Variants in TMEM117 observed in about 807,000 individuals in gnomAD.
TMEM117 encodes the protein transmembrane protein 117.
Under a neutral mutation model 52.4 loss-of-function variants are expected in TMEM117, and 27 were observed. The observed-to-expected ratio is 0.51, with a 90% CI of 0.38 to 0.71. The LOEUF (loss-of-function observed/expected upper bound fraction) is 0.71. Ranked by LOEUF, TMEM117 falls within the 30% of genes least tolerant of loss-of-function variation. TMEM117 has a pLI of 0.00. For missense variants in TMEM117, 556 were observed against 630.5 expected (o/e 0.88, Z 1.26); for synonymous variants, 215 against 206.3 (o/e 1.04, Z -0.36).
At chr12:44,224,553 C>T (rs1358576732) in intron 5 of TMEM117, among the ~76,000 whole-genome samples, 5 of 151,880 alleles carry the variant, frequency 3.3e-5, no homozygotes, top group African/African-American at 1.2e-4. Flanking sequence ...CCTCCTCCTC[C>T]TCCTCCTTCA....
chr12:43,808,358 C>T, the TMEM117 span, among the ~76,000 whole-genome samples: 239 of 152,254 alleles, frequency 1.6e-3, no homozygotes, highest in African/African-American at 5.5e-3. Flanking sequence ...AGAGAAAGCA[C>T]GTGAATGACC....
chr12:44,168,723 T>A (rs1456319403), intron 4 of TMEM117, among the ~76,000 whole-genome samples: 1 of 152,186 alleles, frequency 6.6e-6, no homozygotes, highest in East Asian at 1.9e-4. Context: ...AACATAAAAT[T>A]TACCATTTTA....
At position 43,960,775 on chromosome 12, in the gene TMEM117, G is replaced by T. The variant is rs116789932; in HGVS notation, c.410+16433G>T. Among the ~76,000 whole-genome samples, 1,063 of 152,250 alleles carry T rather than the reference G, an allele frequency of 7.0e-3. 10 individuals carry two copies. Among genetic ancestry groups the T allele is most frequent in the African/African-American group, 0.023 (960 of 41,530 alleles). On this transcript the variant is annotated intron_variant, in intron 3 of 7. Coordinates refer to ENST00000266534, the MANE Select transcript of TMEM117 (RefSeq NM_032256.3). Reference sequence around the variant, plus strand: ...AACTACATAGAGCAAAAATAATGCGGAAACGTTAGACAGTTTTCTCATTTT... The same window carrying T: ...AACTACATAGAGCAAAAATAATGCGTAAACGTTAGACAGTTTTCTCATTTT...
chr12:44,198,940 G>A (rs1949456508), intron 4 of TMEM117, among the ~76,000 whole-genome samples: 1 of 152,180 alleles, frequency 6.6e-6, no homozygotes, highest in South Asian at 2.1e-4. Context: ...GATGTTGGGA[G>A]AAACTTTGGG....
chr12:43,818,967 C>CT, the TMEM117 span, among the ~76,000 whole-genome samples: 1 of 152,178 alleles, frequency 6.6e-6, no homozygotes, highest in African/African-American at 2.4e-5. Flanking sequence ...CCACATCACT[C>CT]TAACAAAACC....
At chr12:43,882,982 A>AATAT (rs1943924766) in intron 2 of TMEM117, among the ~76,000 whole-genome samples, 2 of 152,206 alleles carry the variant, frequency 1.3e-5, no homozygotes, top group South Asian at 2.1e-4. Context: ...AGACAATATA[A>AATAT]TAAGAGCATT....
chr12:44,104,716 C>A (rs1947923009), intron 3 of TMEM117, among the ~76,000 whole-genome samples: 1 of 151,930 alleles, frequency 6.6e-6, no homozygotes, highest in South Asian at 2.1e-4. Context: ...TCTTTATTCT[C>A]ATTCACTTTT....
At chr12:44,254,217 T>C (rs992920588) in intron 5 of TMEM117, among the ~76,000 whole-genome samples, 2 of 152,034 alleles carry the variant, frequency 1.3e-5, no homozygotes, top group African/African-American at 4.8e-5. Context: ...TATATATTCT[T>C]GACAGAAAAT....
At chr12:43,964,063 T>C (rs1168001334) in intron 3 of TMEM117, among the ~76,000 whole-genome samples, 1 of 152,192 alleles carries the variant, frequency 6.6e-6, no homozygotes, top group Non-Finnish European at 1.5e-5. Context: ...AGTTTATTTC[T>C]TGCTCTCACT....
In TMEM117 at chr12:44,164,775, G is replaced by A. The variant is rs548098592; in HGVS notation, c.510+21151G>A. Among the ~76,000 whole-genome samples the A allele has an allele frequency of 3.3e-5, 5 of 152,174 alleles. No homozygotes were observed. In the East Asian group the frequency reaches 7.7e-4, roughly 23 times the overall value. The stretch of plus-strand genomic sequence containing the variant: ...CTGAGAATCACTTAAACCATGATCT[G>A]GATGGTATATTTTGTATTGATATAC... On this transcript the variant is annotated intron_variant, in intron 4 of 7. Transcript: ENST00000266534.
chr12:44,004,656 C>T (rs1481037898), intron 3 of TMEM117, among the ~76,000 whole-genome samples: 1 of 152,084 alleles, frequency 6.6e-6, no homozygotes, highest in African/African-American at 2.4e-5. Flanking sequence ...ATATGATCAC[C>T]TCTTTCCTCT....
intron 3 of TMEM117, chr12:44,010,169 G>A: frequency 1.9e-6 from 1 of 517,262 alleles, no homozygotes; most frequent in African/African-American, 1.9e-5. Flanking sequence ...TTTTAACCCT[G>A]TGTGTGACAC....
intron 2 of TMEM117, among the ~76,000 whole-genome samples, chr12:43,874,878 G>A (rs1220882816): frequency 6.6e-6 from 1 of 152,160 alleles, no homozygotes; most frequent in Non-Finnish European, 1.5e-5. Context: ...AAGAGTAATG[G>A]GGATATCAAA....
chr12:44,344,859 G>A (rs1215476582), intron 6 of TMEM117, among the ~76,000 whole-genome samples: 1 of 151,942 alleles, frequency 6.6e-6, no homozygotes, highest in East Asian at 1.9e-4. Flanking sequence ...AAAGGTCAAG[G>A]TTCTGCCCAG....
At chr12:43,976,920 C>T (rs1308327832) in intron 3 of TMEM117, among the ~76,000 whole-genome samples, 2 of 152,118 alleles carry the variant, frequency 1.3e-5, no homozygotes, top group Non-Finnish European at 2.9e-5. Flanking sequence ...CTTTTCTAAT[C>T]AAGGAGTGAC....
intron 2 of TMEM117, among the ~76,000 whole-genome samples, chr12:43,941,341 A>G (rs989744004): frequency 6.6e-6 from 1 of 152,224 alleles, no homozygotes; most frequent in African/African-American, 2.4e-5. Context: ...ATAGACCTGT[A>G]GGAAAAGTGG....
intron 3 of TMEM117, among the ~76,000 whole-genome samples, chr12:44,105,929 A>G (rs58206004): frequency 0.12 from 18,856 of 152,054 alleles, 1,427 homozygotes; most frequent in African/African-American, 0.21. Flanking sequence ...GTAGAGTTCC[A>G]GGAAGTAAAA....
At chr12:44,270,272 T>C (rs933705525) in intron 5 of TMEM117, among the ~76,000 whole-genome samples, 2 of 152,142 alleles carry the variant, frequency 1.3e-5, no homozygotes, top group Non-Finnish European at 2.9e-5. Context: ...AGGTTGTTAA[T>C]AGTTTCTTTC....
chr12:43,876,626 T>G (rs900570085), intron 2 of TMEM117, among the ~76,000 whole-genome samples: 4 of 152,236 alleles, frequency 2.6e-5, no homozygotes, highest in Non-Finnish European at 4.4e-5. Context: ...GTCTACCTTC[T>G]GAAGCTCCCC....
Sources: allele counts gnomAD v4.1 joint callset (sites outside exome capture counted in the v4.1 genomes callset), GRCh38; gene constraint gnomAD v4.1.1; transcripts MANE v1.5; gene names NCBI Gene and HGNC (gene_info 2026-07-23, HGNC 2026-07-21).